SEPTIN3: variants seen among roughly 807,000 people sequenced by gnomAD.
SEPTIN3 encodes the protein neuronal-specific septin-3.
SEPTIN3 carries 15 observed loss-of-function variants against 45.1 expected under a neutral mutation model. The ratio of observed to expected loss-of-function variants is 0.33; its 90% CI spans 0.22 to 0.51. The LOEUF (loss-of-function observed/expected upper bound fraction) is 0.51. SEPTIN3 is among the 20% of genes least tolerant of loss of function. The pLI is 0.97. For missense variants in SEPTIN3, 289 were observed against 457.2 expected (o/e 0.63, Z 3.35); for synonymous variants, 148 against 164.8 (o/e 0.90, Z 0.78).
At chr22:41,995,581 G>C (rs947511749) in intron 11 of SEPTIN3, 3 of 985,370 alleles carry the variant, frequency 3.0e-6, no homozygotes, top group East Asian at 1.1e-4. Flanking sequence ...CCTTTTAGAT[G>C]AATCTACTTT....
Position 41,994,999 on chromosome 22 carries a change from C to T in SEPTIN3, c.2505+285C>T. 2 of 1,309,396 alleles carry T rather than the reference C, an allele frequency of 1.5e-6. No individual in the cohort carries two copies. The highest frequency in any genetic ancestry group is 3.6e-5 in the East Asian group (1 of 27,508). 81.1% of individuals were successfully genotyped at this position (1,309,396 alleles called of 1,614,324 possible). A position where few individuals can be genotyped will look rare whatever the true frequency, so the allele number is the denominator to read the frequency against. On this transcript the variant is annotated intron_variant, in intron 11 of 11. Transcript: ENST00000644076. The surrounding 1 kb of genome is among the most constrained non-coding windows in gnomAD (Gnocchi z 4.2). The stretch of plus-strand genomic sequence containing the variant: ...TTTCACTGCCCTCCCTGGAGAGTCC[C>T]TTGTAAGTTTGGCTCCTCCATGCCT...
At chr22:41,982,738 A>C (rs1237011065) in intron 3 of SEPTIN3, among the ~76,000 whole-genome samples, 1 of 151,592 alleles carries the variant, frequency 6.6e-6, no homozygotes, top group African/African-American at 2.4e-5. Flanking sequence ...AAAATACAAA[A>C]AAATTAGCTG....
In SEPTIN3 at chr22:41,992,634, G is replaced by A. The variant is rs191391749; in HGVS notation, c.2260-30G>A. On this transcript the variant is annotated intron_variant, in intron 8 of 11. Transcript: ENST00000644076. The stretch of plus-strand genomic sequence containing the variant: ...GTTGTTGGAGGATGACGGTGCACAT[G>A]TGTCTGGTTTGTGTTTCTGCCCCGT... 2,184 of 1,474,670 alleles carry A rather than the reference G, an allele frequency of 1.5e-3. 18 individuals are homozygous for A. In the Middle Eastern group the frequency reaches 0.021, roughly 14 times the overall value. 91.3% of individuals were successfully genotyped at this position (1,474,670 alleles called of 1,614,324 possible). A position where few individuals can be genotyped will look rare whatever the true frequency, so the allele number is the denominator to read the frequency against.
intron 8 of SEPTIN3, 83 bp downstream of exon 8, chr22:41,991,751 T>A: frequency 1.0e-6 from 1 of 984,144 alleles, no homozygotes. Flanking sequence ...CTGTCTGTCT[T>A]TTCCCTTTCT....
At chr22:41,993,145 A>G (rs1430445272) in intron 9 of SEPTIN3, among the ~76,000 whole-genome samples, 1 of 152,174 alleles carries the variant, frequency 6.6e-6, no homozygotes, top group East Asian at 1.9e-4. Context: ...GCGGGTCTTG[A>G]TGATTCTGAA....
intron 2 of SEPTIN3, among the ~76,000 whole-genome samples, chr22:41,974,531 T>C (rs549219183): frequency 1.2e-4 from 18 of 150,174 alleles, no homozygotes; most frequent in Non-Finnish European, 2.2e-4. Context: ...GGTGTGGTGG[T>C]GGGTGCCTGT....
intron 3 of SEPTIN3, among the ~76,000 whole-genome samples, chr22:41,984,845 CTTTTTTTTT>C (rs11380985): frequency 2.0e-5 from 2 of 100,660 alleles, no homozygotes; most frequent in African/African-American, 4.0e-5. Context: ...GTGGTTTTCC[CTTTTTTTTT>C]TTTTTTTTTT....
Position 41,972,741 on chromosome 22 carries a change from C to A in SEPTIN3, c.1249C>A (p.Leu417Met), listed in dbSNP as rs892341245. The change falls in exon 2 of 12, where the codon CTG becomes ATG. Residue 417 changes from leucine to methionine, a missense_variant. This residue lies in a region of SEPTIN3 where 200 missense variants were observed against 315.1 expected (regional missense o/e 0.63). Coordinates refer to ENST00000644076, the MANE Select transcript of SEPTIN3 (RefSeq NM_001363845.2). Reference sequence around the variant, plus strand: ...TTTGGCCAGAGTGAACAGAGCCAAGCTGGGCACGGCTAAGAATTCTCTTGC... The same window carrying A: ...TTTGGCCAGAGTGAACAGAGCCAAGATGGGCACGGCTAAGAATTCTCTTGC... ...MALARVNRAKLGTAKNSLALD... is the reference protein window; with the variant it reads ...MALARVNRAKMGTAKNSLALD... 2.3e-5 allele frequency: 9 copies of A among 399,114 alleles called. No homozygotes were observed. The highest frequency in any genetic ancestry group is 4.0e-5 in the Non-Finnish European group (9 of 226,106). The allele number at this position is 399,114 out of a possible 1,614,324, so 24.7% of individuals were successfully genotyped here.
intron 2 of SEPTIN3, among the ~76,000 whole-genome samples, chr22:41,977,887 G>A (rs1252710422): frequency 2.6e-5 from 4 of 152,214 alleles, no homozygotes; most frequent in Non-Finnish European, 5.9e-5. Flanking sequence ...GGCTGCAACC[G>A]AGTCAGGTGG....
intron 2 of SEPTIN3, chr22:41,977,070 C>T (rs1199161908): frequency 6.2e-7 from 1 of 1,601,250 alleles, no homozygotes; most frequent in East Asian, 2.3e-5. Context: ...GATTCATGTC[C>T]AAAGGTAGGG....
chr22:41,973,412 T>C (rs1338760976), intron 2 of SEPTIN3, among the ~76,000 whole-genome samples: 1 of 151,622 alleles, frequency 6.6e-6, no homozygotes, highest in African/African-American at 2.4e-5. Context: ...ATCCCAGCAC[T>C]TTGGGATCTG....
chr22:41,996,628 C>T (rs540313277), intron 11 of SEPTIN3: 232 of 1,209,896 alleles, frequency 1.9e-4, no homozygotes, highest in Non-Finnish European at 4.2e-5. Flanking sequence ...GGGTAGGCAC[C>T]TGTCAGGACA....
chr22:41,995,317 G>A (rs2078412246), intron 11 of SEPTIN3: 2 of 990,696 alleles, frequency 2.0e-6, no homozygotes, highest in Non-Finnish European at 2.4e-6. Flanking sequence ...AGGCAGAGAA[G>A]TAGGCCAGAG....
chr22:41,977,170 C>A (rs2078041511), intron 2 of SEPTIN3: 1 of 1,280,762 alleles, frequency 7.8e-7, no homozygotes, highest in Non-Finnish European at 1.1e-6. Context: ...GTTTCCGCGC[C>A]GAGGAGCCCA....
chr22:41,981,053 A>T (rs2078112385), intron 2 of SEPTIN3, among the ~76,000 whole-genome samples: 1 of 152,184 alleles, frequency 6.6e-6, no homozygotes, highest in African/African-American at 2.4e-5. Flanking sequence ...GAGGTCAGTG[A>T]CAGTTAATAG....
At position 41,987,709 on chromosome 22, in the gene SEPTIN3, T is replaced by G. The variant is rs556295298; in HGVS notation, c.1995T>G (p.Pro665=). The part of the protein sequence containing the change: ...EVNIARKKRI[P]DTRVHCCLYF... Reference sequence around the variant, plus strand: ...ACATCGCCAGGAAGAAACGCATCCCTGACACTCGTGTCCACTGCTGCCTTT... The same window carrying G: ...ACATCGCCAGGAAGAAACGCATCCCGGACACTCGTGTCCACTGCTGCCTTT... Residue 665 remains proline, a synonymous_variant, in exon 6 of 12, where the codon CCT becomes CCG. Coordinates refer to ENST00000644076, the MANE Select transcript of SEPTIN3 (RefSeq NM_001363845.2). 3.5e-5 allele frequency: 56 copies of G among 1,614,110 alleles called. 1 individual carries two copies. The South Asian group carries it at 6.0e-4, about 17-fold the overall frequency.
intron 2 of SEPTIN3, among the ~76,000 whole-genome samples, chr22:41,979,245 G>A (rs537621832): frequency 5.9e-5 from 9 of 152,278 alleles, no homozygotes; most frequent in Admixed American, 3.3e-4. Context: ...TCTTTTGGGC[G>A]TGCTCTTTTA....
In SEPTIN3 at chr22:41,994,897, G is replaced by C; in HGVS notation, c.2505+183G>C. ...GAGCATCTTGTCTGTGTGTGTGTGTGTGTGTGTGTGTGTGTGTGTGTGTGT... is the reference window on the plus strand; with the variant it reads ...GAGCATCTTGTCTGTGTGTGTGTGTCTGTGTGTGTGTGTGTGTGTGTGTGT... On this transcript the variant is annotated intron_variant, in intron 11 of 11. Coordinates refer to ENST00000644076, the MANE Select transcript of SEPTIN3 (RefSeq NM_001363845.2). This position sits in a 1 kb window ranked among gnomAD's most constrained non-coding sequence, Gnocchi z 4.2. 6.9e-7 allele frequency: 1 copy of C among 1,458,064 alleles called. No individual in the cohort carries two copies. Among genetic ancestry groups the C allele is most frequent in the Non-Finnish European group, 9.1e-7 (1 of 1,100,722 alleles). The allele number at this position is 1,458,064 out of a possible 1,614,324, so 90.3% of individuals were successfully genotyped here.
chr22:41,991,332 G>A (rs952312056), intron 7 of SEPTIN3, among the ~76,000 whole-genome samples: 10 of 152,156 alleles, frequency 6.6e-5, no homozygotes, highest in African/African-American at 2.4e-4. Flanking sequence ...CGAGGCGCCT[G>A]GGACCTGAAG....
Sources: gnomAD v4.1 joint callset for allele counts (sites outside exome capture counted in the v4.1 genomes callset) on GRCh38, gnomAD v4.1.1 for gene constraint, gnomAD v4.1.1 regional missense constraint, Gnocchi (gnomAD v3.1) non-coding constraint, MANE v1.5 for transcripts, NCBI Gene and HGNC (gene_info 2026-07-23, HGNC 2026-07-21) for gene names.